The following SLCO1A2 variants were observed in gnomAD, a reference collection of about 807,000 sequenced individuals.
The protein encoded by SLCO1A2 is OATP-1.
In SLCO1A2, 67 loss-of-function variants were observed where a neutral mutation model predicts 69.0. The ratio of observed to expected loss-of-function variants is 0.97; its 90% confidence interval spans 0.80 to 1.19. SLCO1A2 has a LOEUF of 1.19. Ranked by LOEUF, SLCO1A2 falls within the 50% of genes most tolerant of loss-of-function variation. The pLI, the probability that SLCO1A2 is intolerant of heterozygous loss-of-function variation, is 0.00. For synonymous variants in SLCO1A2, 260 were observed against 265.9 expected (o/e 0.98, Z 0.22); for missense variants, 787 against 793.7 (o/e 0.99, Z 0.10).
chr12:21,400,535 C>A (rs1008054917), intron 1 of SLCO1A2, among the ~76,000 whole-genome samples: 1 of 151,794 alleles, frequency 6.6e-6, no homozygotes, highest in African/African-American at 2.4e-5. Flanking sequence ...GGGTATATAC[C>A]CAAACGACTA....
chr12:21,404,401 G>A (rs1941788720), intron 1 of SLCO1A2, among the ~76,000 whole-genome samples: 1 of 151,802 alleles, frequency 6.6e-6, no homozygotes, highest in Admixed American at 6.6e-5. Context: ...CCTGCTCCCT[G>A]ACAGGCTCAA....
chr12:21,405,179 T>C (rs1941803018), intron 1 of SLCO1A2, among the ~76,000 whole-genome samples: 1 of 152,064 alleles, frequency 6.6e-6, no homozygotes, highest in Non-Finnish European at 1.5e-5. Flanking sequence ...GTAGGTTGTC[T>C]GTTCACTCGG....
At chr12:21,353,484 A>AG (rs1330440246) in intron 2 of SLCO1A2, among the ~76,000 whole-genome samples, 3 of 151,480 alleles carry the variant, frequency 2.0e-5, no homozygotes, top group Non-Finnish European at 4.4e-5. Context: ...AAAAAAAAAA[A>AG]GAAAGAAAGA....
intron 1 of SLCO1A2, among the ~76,000 whole-genome samples, chr12:21,386,570 A>C (rs1940890172): frequency 6.6e-6 from 1 of 152,094 alleles, no homozygotes; most frequent in African/African-American, 2.4e-5. Context: ...TTGCCATGTA[A>C]GACGTGTGTT....
intron 4 of SLCO1A2, among the ~76,000 whole-genome samples, chr12:21,312,013 G>C (rs117501919): frequency 0.12 from 18,620 of 151,110 alleles, 1,217 homozygotes; most frequent in Middle Eastern, 0.15. Context: ...AGAAGAAGAG[G>C]AGGAGGGAGG....
At chr12:21,326,969 C>T (rs113467449) in intron 2 of SLCO1A2, among the ~76,000 whole-genome samples, 7,367 of 152,176 alleles carry the variant, frequency 0.048, 583 homozygotes, top group African/African-American at 0.16. Flanking sequence ...GTTAATCACC[C>T]AGACAATGGG....
At chr12:21,348,076 A>G (rs1019746953) in intron 2 of SLCO1A2, among the ~76,000 whole-genome samples, 1 of 152,146 alleles carries the variant, frequency 6.6e-6, no homozygotes, top group Non-Finnish European at 1.5e-5. Flanking sequence ...TATTTTAGCA[A>G]TAGTGGACAA....
At chr12:21,411,330 A>T (rs56772762) in intron 1 of SLCO1A2, among the ~76,000 whole-genome samples, 1 of 152,168 alleles carries the variant, frequency 6.6e-6, no homozygotes. Context: ...ATTCAATATT[A>T]TCTTTTTCCA....
At chr12:21,301,369 G>A (rs1948692046) in intron 6 of SLCO1A2, 100 bp from the exon 7 acceptor site, 1 of 617,572 alleles carries the variant, frequency 1.6e-6, no homozygotes, top group South Asian at 3.4e-5. Context: ...TTTTGCCTTG[G>A]ATACTTTTGA....
chr12:21,398,637 G>T (rs1941567409), upstream of SLCO1A2, among the ~76,000 whole-genome samples: 1 of 151,850 alleles, frequency 6.6e-6, no homozygotes, highest in South Asian at 2.1e-4. Context: ...TAAAATACTG[G>T]CAAAACGAAT....
At chr12:21,282,868 A>C (rs184068475) in intron 12 of SLCO1A2, among the ~76,000 whole-genome samples, 98 of 152,278 alleles carry the variant, frequency 6.4e-4, no homozygotes, top group African/African-American at 2.1e-3. Context: ...AATTACCCTA[A>C]AGAAGTGAAA....
At chr12:21,307,678 G>GA (rs1949596222) in intron 4 of SLCO1A2, among the ~76,000 whole-genome samples, 3 of 152,022 alleles carry the variant, frequency 2.0e-5, no homozygotes, top group East Asian at 1.9e-4. Flanking sequence ...CGTAAGATGG[G>GA]AAAAAAAGTA....
chr12:21,332,680 A>C (rs560664107), intron 2 of SLCO1A2, among the ~76,000 whole-genome samples: 17 of 152,190 alleles, frequency 1.1e-4, no homozygotes, highest in African/African-American at 3.9e-4. Flanking sequence ...TGATTCATAA[A>C]CTACCATCTT....
At chr12:21,374,819 GTCTCTCTC>G (rs71043266) in intron 1 of SLCO1A2, among the ~76,000 whole-genome samples, 5 of 148,266 alleles carry the variant, frequency 3.4e-5, no homozygotes, top group Non-Finnish European at 7.5e-5. Flanking sequence ...TTGAGACAGG[GTCTCTCTC>G]TCTCTCTCTC....
chr12:21,267,745 C>CTT lies in SLCO1A2; in HGVS notation c.*1801_*1802dup, dbSNP rs1048394122. 9.2e-5 allele frequency: 14 copies of CTT among 152,254 alleles called. No individual in the cohort carries two copies. Among genetic ancestry groups the CTT allele is most frequent in the African/African-American group, 3.4e-4 (14 of 41,566 alleles). The allele number at this position is 152,254 out of a possible 1,614,324, so 9.4% of individuals were successfully genotyped here. On this transcript the variant is annotated 3_prime_UTR_variant, in exon 15 of 15. Coordinates refer to ENST00000683939, the MANE Select transcript of SLCO1A2 (RefSeq NM_001386879.1). The stretch of plus-strand genomic sequence containing the variant: ...AACCTTCTCATGCAGTGGCTGTTTA[C>CTT]TTTTTCTTGCTGCTCTGTGAATATA...
chr12:21,381,298 G>T (rs1940573967), intron 1 of SLCO1A2, among the ~76,000 whole-genome samples: 1 of 151,790 alleles, frequency 6.6e-6, no homozygotes, highest in Admixed American at 6.6e-5. Flanking sequence ...GAATCTAAAA[G>T]GAACTCGAAC....
rs566221865 is a variant in SLCO1A2, at chr12:21,266,157, G to A, written c.*3391C>T. ...AGCCAGTATCTGATCTAACAGCTCT[G>A]GTTACATAACATTCTGGTTACATAA... On this transcript the variant is annotated 3_prime_UTR_variant, in exon 15 of 15. Transcript: ENST00000683939. The A allele has an allele frequency of 6.6e-6, 1 of 152,034 alleles. No homozygotes were observed. The highest frequency in any genetic ancestry group is 6.6e-5 in the Admixed American group (1 of 15,238). 9.4% of individuals were successfully genotyped at this position (152,034 alleles called of 1,614,324 possible).
rs1942106403 is a variant in SLCO1A2 at position 21,266,773 on chromosome 12, C to A, written c.*2775G>T. 6.6e-6 allele frequency: 1 copy of A among 151,896 alleles called. No individual in the cohort carries two copies. The highest frequency in any genetic ancestry group is 6.6e-5 in the Admixed American group (1 of 15,232). The allele number at this position is 151,896 out of a possible 1,614,324, so 9.4% of individuals were successfully genotyped here. On this transcript the variant is annotated 3_prime_UTR_variant, in exon 15 of 15. Coordinates refer to ENST00000683939, the MANE Select transcript of SLCO1A2 (RefSeq NM_001386879.1). The stretch of plus-strand genomic sequence containing the variant: ...TGTAATGCTATCTGGCTCCACAAAG[C>A]AACATTTCATTGCTTTGCAATAAAA...
chr12:21,292,145 A>G lies in SLCO1A2; in HGVS notation c.1610+19T>C, dbSNP rs1218218516. 2.0e-6 allele frequency: 3 copies of G among 1,506,326 alleles called. No individual in the cohort carries two copies. Among genetic ancestry groups the G allele is most frequent in the Admixed American group, 2.4e-5 (1 of 41,816 alleles). The allele number at this position is 1,506,326 out of a possible 1,614,324, so 93.3% of individuals were successfully genotyped here. On this transcript the variant is annotated intron_variant, in intron 12 of 14. Transcript: ENST00000683939. Reference sequence around the variant, plus strand: ...TAAATGACCCCAAAAAAATATAAATAAAGAAAATAATTTTGTACCTCAAGA... The same window carrying G: ...TAAATGACCCCAAAAAAATATAAATGAAGAAAATAATTTTGTACCTCAAGA...
Sources: gnomAD v4.1 joint callset for allele counts (sites outside exome capture counted in the v4.1 genomes callset) on GRCh38, gnomAD v4.1.1 for gene constraint, MANE v1.5 for transcripts, NCBI Gene and HGNC (gene_info 2026-07-23, HGNC 2026-07-21) for gene names.